HS3ST4: variants seen among roughly 807,000 people sequenced by gnomAD.
HS3ST4 encodes heparan sulfate glucosamine 3-O-sulfotransferase 4.
HS3ST4 carries 17 observed loss-of-function variants against 29.2 expected under a neutral mutation model. The ratio of observed to expected loss-of-function variants is 0.58; its 90% CI spans 0.40 to 0.87. The LOEUF (loss-of-function observed/expected upper bound fraction) is 0.87, where lower values mean the gene tolerates loss of function less well. Ranked by LOEUF, HS3ST4 falls within the 40% of genes least tolerant of loss-of-function variation. The pLI is 0.00. For missense variants in HS3ST4, 627 were observed against 634.5 expected (o/e 0.99, Z 0.13); for synonymous variants, 314 against 285.7 (o/e 1.10, Z -1.00).
At chr16:25,874,227 G>GA (rs570251963) in intron 1 of HS3ST4, among the ~76,000 whole-genome samples, 110 of 146,922 alleles carry the variant, frequency 7.5e-4, no homozygotes, top group Admixed American at 2.9e-3. Flanking sequence ...GAAAACTACA[G>GA]AAAAAAAAAA....
intron 1 of HS3ST4, among the ~76,000 whole-genome samples, chr16:25,700,104 TA>T (rs971226992): frequency 1.1e-4 from 17 of 152,194 alleles, no homozygotes; most frequent in Admixed American, 6.5e-4. Context: ...TGAGGGATTT[TA>T]AACCCTGAAG....
At chr16:25,957,538 C>A (rs1157739771) in intron 1 of HS3ST4, among the ~76,000 whole-genome samples, 1 of 152,178 alleles carries the variant, frequency 6.6e-6, no homozygotes, top group Non-Finnish European at 1.5e-5. Flanking sequence ...CTTCGTCAGC[C>A]TCCCGAGTAG....
At chr16:25,903,300 G>A (rs868248351) in intron 1 of HS3ST4, among the ~76,000 whole-genome samples, 366 of 19,070 alleles carry the variant, frequency 0.019, 5 homozygotes, top group African/African-American at 0.047. Flanking sequence ...GTGTGTGTGT[G>A]TGTATGTATA....
intron 1 of HS3ST4, among the ~76,000 whole-genome samples, chr16:25,822,442 C>T (rs573328679): frequency 3.3e-4 from 50 of 152,240 alleles, no homozygotes; most frequent in South Asian, 1.7e-3. Flanking sequence ...CACAAATATT[C>T]GGTCAGACCA....
At chr16:26,121,315 T>C (rs931389626) in intron 1 of HS3ST4, among the ~76,000 whole-genome samples, 1 of 152,118 alleles carries the variant, frequency 6.6e-6, no homozygotes, top group Non-Finnish European at 1.5e-5. Context: ...CTAGTGGAGA[T>C]TCCATCGGGA....
At chr16:25,853,330 A>G (rs1184938550) in intron 1 of HS3ST4, among the ~76,000 whole-genome samples, 1 of 147,786 alleles carries the variant, frequency 6.8e-6, no homozygotes, top group Non-Finnish European at 1.5e-5. Context: ...ATATATATAT[A>G]TTCCTCTGCA....
intron 1 of HS3ST4, among the ~76,000 whole-genome samples, chr16:25,820,890 A>G (rs1197815013): frequency 2.0e-5 from 3 of 151,712 alleles, no homozygotes; most frequent in Non-Finnish European, 4.4e-5. Flanking sequence ...TTTAAAATTC[A>G]TTTTTCAGCT....
At chr16:25,732,620 G>A (rs746316894) in intron 1 of HS3ST4, among the ~76,000 whole-genome samples, 51 of 152,136 alleles carry the variant, frequency 3.4e-4, no homozygotes, top group Non-Finnish European at 5.7e-4. Context: ...TCAAAAAAAA[G>A]GAGTATCAAA....
chr16:25,700,401 C>T (rs546979720), intron 1 of HS3ST4, among the ~76,000 whole-genome samples: 6 of 152,292 alleles, frequency 3.9e-5, no homozygotes, highest in African/African-American at 1.4e-4. Context: ...GAACCGAAGG[C>T]ATTTGGGAAT....
Position 26,135,756 on chromosome 16 carries a change from G to C in HS3ST4, c.879G>C (p.Arg293Ser). The change falls in exon 2 of 2, where the codon AGG becomes AGC. Residue 293 changes from arginine (R) to serine (S), a missense_variant. Coordinates refer to ENST00000331351, the MANE Select transcript of HS3ST4 (RefSeq NM_006040.3). ...LIVVVRNPVT[R>S]AISDYTQTLS... Reference sequence around the variant, plus strand: ...TGGTGGTGAGAAACCCCGTGACCAGGGCCATCTCTGACTACACGCAGACAC... The same window carrying C: ...TGGTGGTGAGAAACCCCGTGACCAGCGCCATCTCTGACTACACGCAGACAC... 1 of 1,614,040 alleles carries C rather than the reference G, an allele frequency of 6.2e-7. No homozygotes were observed. Among genetic ancestry groups the C allele is most frequent in the Non-Finnish European group, 8.5e-7 (1 of 1,179,978 alleles).
intron 1 of HS3ST4, among the ~76,000 whole-genome samples, chr16:25,898,629 A>C (rs1216890758): frequency 6.6e-6 from 1 of 152,230 alleles, no homozygotes; most frequent in Non-Finnish European, 1.5e-5. Flanking sequence ...ATTCAAATGC[A>C]CACTGCCCTT....
At chr16:26,006,495 A>G (rs1021577492) in intron 1 of HS3ST4, among the ~76,000 whole-genome samples, 1 of 152,036 alleles carries the variant, frequency 6.6e-6, no homozygotes, top group Admixed American at 6.6e-5. Flanking sequence ...GAATGAGTTT[A>G]ACTCATGCAG....
intron 1 of HS3ST4, among the ~76,000 whole-genome samples, chr16:25,863,335 C>T (rs929419976): frequency 3.3e-5 from 5 of 152,084 alleles, no homozygotes; most frequent in Non-Finnish European, 7.3e-5. Context: ...CCCGCTTCAG[C>T]CTCCCAAAGT....
chr16:25,699,398 G>A (rs1248269551), intron 1 of HS3ST4, among the ~76,000 whole-genome samples: 2 of 152,168 alleles, frequency 1.3e-5, no homozygotes, highest in Non-Finnish European at 2.9e-5. Flanking sequence ...ATTCCCCTCC[G>A]TTCTCAATTA....
At chr16:25,750,473 A>C (rs1330637960) in intron 1 of HS3ST4, among the ~76,000 whole-genome samples, 1 of 152,230 alleles carries the variant, frequency 6.6e-6, no homozygotes, top group Non-Finnish European at 1.5e-5. Context: ...CTTTATAGCC[A>C]ACACACAAAC....
At chr16:26,015,416 TC>T (rs1969353772) in intron 1 of HS3ST4, among the ~76,000 whole-genome samples, 1 of 152,200 alleles carries the variant, frequency 6.6e-6, no homozygotes, top group Admixed American at 6.5e-5. Flanking sequence ...CCTCCCAACA[TC>T]AATATATGCC....
intron 1 of HS3ST4, among the ~76,000 whole-genome samples, chr16:25,828,958 G>T (rs537650485): frequency 6.6e-6 from 1 of 152,160 alleles, no homozygotes; most frequent in Non-Finnish European, 1.5e-5. Context: ...AGTGCCTGTT[G>T]GGGTCTTCAA....
chr16:25,700,857 T>A (rs2141580461), intron 1 of HS3ST4, among the ~76,000 whole-genome samples: 1 of 151,310 alleles, frequency 6.6e-6, no homozygotes, highest in East Asian at 2.0e-4. Context: ...TACTCACTAC[T>A]TAGGACTTAC....
intron 1 of HS3ST4, among the ~76,000 whole-genome samples, chr16:25,941,635 G>A (rs1968573083): frequency 6.6e-6 from 1 of 152,062 alleles, no homozygotes; most frequent in Admixed American, 6.5e-5. Context: ...GGAGTGCGGT[G>A]GTGCAATCTC....
Sources: allele counts gnomAD v4.1 joint callset (sites outside exome capture counted in the v4.1 genomes callset), GRCh38; gene constraint gnomAD v4.1.1; transcripts MANE v1.5; gene names NCBI Gene and HGNC (gene_info 2026-07-23, HGNC 2026-07-21).